The following ZNF347 variants were observed in gnomAD, a reference collection of about 807,000 sequenced individuals.
The protein encoded by ZNF347 is zinc finger protein 347.
A neutral mutation model predicts 12.9 loss-of-function variants in ZNF347; 19 were observed. That is an observed-to-expected ratio of 1.47 (90% confidence interval 1.03 to 2.16). ZNF347 has a LOEUF of 2.16. Ranked by LOEUF, ZNF347 falls within the 30% of genes most tolerant of loss-of-function variation. The pLI is 0.00. For synonymous variants in ZNF347, 328 were observed against 340.6 expected, an observed-to-expected ratio of 0.96 and a Z score of 0.41; for missense variants, 1,005 against 990.6, an observed-to-expected ratio of 1.01 and a Z score of -0.19.
At chr19:53,153,949 G>A in intron 1 of ZNF347, 156 bp from the exon 2 acceptor site, 1 of 597,364 alleles carries the variant, frequency 1.7e-6, no homozygotes, top group Non-Finnish European at 3.0e-6. Flanking sequence ...GCTGCCCACT[G>A]CACCAGGGCA....
rs1235114065 is a variant in ZNF347 at position 53,141,603 on chromosome 19, C to T, written c.1225G>A (p.Val409Ile). Residue 409 changes from valine to isoleucine, a missense_variant, in exon 5 of 5, where the codon GTC becomes ATC. Transcript: ENST00000334197. ...KPYKCNECGKVFTQNSHLTNH... is the reference protein window; with the variant it reads ...KPYKCNECGKIFTQNSHLTNH... ...GTAAGGTGTGAATTTTGAGTGAAGA[C>T]CTTGCCACATTCATTACATTTGTAA... The T allele has an allele frequency of 5.0e-6, 8 of 1,614,022 alleles. No individual in the cohort carries two copies. The highest frequency in any genetic ancestry group is 1.7e-5 in the Admixed American group (1 of 60,006).
rs1001145442 is a variant in ZNF347 at position 53,142,199 on chromosome 19, A to C, written c.629T>G (p.Val210Gly). The change falls in exon 5 of 5, where the codon GTT (valine) becomes GGT (glycine). Residue 210 changes from valine (V) to glycine (G), a missense_variant. By Grantham distance (109) the Val-to-Gly change is moderately radical. Transcript: ENST00000334197. ...GGAATTATTGTTGAAAGACTTCTCA[A>C]CCTGATTACATTCATAAATTTTCCC... ...YEGKIYECNQ[V>G]EKSFNNNSSV... The C allele has an allele frequency of 6.2e-7, 1 of 1,613,946 alleles. No individual in the cohort carries two copies. The highest frequency in any genetic ancestry group is 8.5e-7 in the Non-Finnish European group (1 of 1,179,968).
intron 1 of ZNF347, among the ~76,000 whole-genome samples, chr19:53,157,358 T>C (rs536484769): frequency 3.3e-4 from 51 of 152,284 alleles, no homozygotes; most frequent in African/African-American, 6.0e-4. Flanking sequence ...CTCTCTTGCT[T>C]CCATACTGTG....
At chr19:53,145,141 A>G (rs916822215) in intron 4 of ZNF347, among the ~76,000 whole-genome samples, 9 of 151,748 alleles carry the variant, frequency 5.9e-5, no homozygotes, top group African/African-American at 2.2e-4. Context: ...AAACACAAAA[A>G]TTAGCCAGGC....
intron 4 of ZNF347, among the ~76,000 whole-genome samples, chr19:53,142,951 GTAAC>G (rs943631742): frequency 1.3e-5 from 2 of 152,186 alleles, no homozygotes; most frequent in African/African-American, 4.8e-5. Context: ...ATGACACGAT[GTAAC>G]TGTTACACTA....
rs1181933736 is a variant in ZNF347 at position 53,141,934 on chromosome 19, A to G, written c.894T>C (p.Phe298=). Residue 298 remains phenylalanine, a synonymous_variant, in exon 5 of 5, where the codon TTT becomes TTC. Coordinates refer to ENST00000334197, the MANE Select transcript of ZNF347 (RefSeq NM_032584.3). ...GGGTAGTTAGGTTTGAACGTGTTCT[A>G]AAGGCTTTGCCACACTCATAACATT... ...PYKCYECGKA[F]RTRSNLTTHQ... is the part of the protein sequence containing the mutation. The G allele has an allele frequency of 6.2e-7, 1 of 1,613,934 alleles. No individual in the cohort carries two copies.
In ZNF347 at chr19:53,149,174, G is replaced by C. The variant is rs1257455486; in HGVS notation, c.142+67C>G. On this transcript the variant is annotated intron_variant, in intron 3 of 4. Transcript: ENST00000334197. ...CCAAGCAATGCATGAGCTCCCAGGAGAGCCACATGGAAAATGAAAAGATAC... is the reference window on the plus strand; with the variant it reads ...CCAAGCAATGCATGAGCTCCCAGGACAGCCACATGGAAAATGAAAAGATAC... The C allele has an allele frequency of 3.1e-6, 5 of 1,592,244 alleles. No individual in the cohort carries two copies. The Admixed American group carries it at 9.5e-5, about 30-fold the overall frequency.
Position 53,140,937 on chromosome 19 carries a change from C to T in ZNF347, c.1891G>A (p.Gly631Ser), listed in dbSNP as rs2090419730. The T allele has an allele frequency of 6.2e-7, 1 of 1,613,554 alleles. No individual in the cohort carries two copies. The highest frequency in any genetic ancestry group is 8.5e-7 in the Non-Finnish European group (1 of 1,179,922). Residue 631 changes from glycine to serine, a missense_variant, in exon 5 of 5, where the codon GGC (glycine) becomes AGC (serine). Transcript: ENST00000334197. ...GEKPYKYNEY[G>S]KAFSEHSNLT... ...TTTGAATGTTCACTAAAGGCTTTGCCATACTCATTATACTTGTAAGGTTTC... is the reference window on the plus strand; with the variant it reads ...TTTGAATGTTCACTAAAGGCTTTGCTATACTCATTATACTTGTAAGGTTTC...
chr19:53,135,676 T>G lies in ZNF347; in HGVS notation c.*4632A>C, dbSNP rs1191213618. On this transcript the variant is annotated 3_prime_UTR_variant, in exon 5 of 5. Coordinates refer to ENST00000334197, the MANE Select transcript of ZNF347 (RefSeq NM_032584.3). ...GCATGAGCCACTGTGCCCAGCCTAATTTGATTATTTTGCTTATCTGTCCTA... is the reference window on the plus strand; with the variant it reads ...GCATGAGCCACTGTGCCCAGCCTAAGTTGATTATTTTGCTTATCTGTCCTA... The G allele has an allele frequency of 6.6e-6, 1 of 152,126 alleles. No homozygotes were observed. Among genetic ancestry groups the G allele is most frequent in the African/African-American group, 2.4e-5 (1 of 41,426 alleles). 9.4% of individuals were successfully genotyped at this position (152,126 alleles called of 1,614,324 possible).
At chr19:53,145,831 T>C (rs2090459348) in intron 4 of ZNF347, among the ~76,000 whole-genome samples, 1 of 151,552 alleles carries the variant, frequency 6.6e-6, no homozygotes, top group African/African-American at 2.4e-5. Flanking sequence ...CACCTAATGA[T>C]ACAACTCAAG....
chr19:53,145,823 C>T (rs753730866), intron 4 of ZNF347, among the ~76,000 whole-genome samples: 11 of 151,694 alleles, frequency 7.3e-5, no homozygotes, highest in Non-Finnish European at 1.6e-4. Context: ...AAATAAAACA[C>T]CTAATGATAC....
In ZNF347 at chr19:53,141,473, G is replaced by C. The variant is rs760615372; in HGVS notation, c.1355C>G (p.Thr452Ser). 3 of 1,613,768 alleles carry C rather than the reference G, an allele frequency of 1.9e-6. No homozygotes were observed. The highest frequency in any genetic ancestry group is 2.2e-5 in the South Asian group (2 of 91,080). Residue 452 changes from threonine to serine, a missense_variant, in exon 5 of 5, where the codon ACC becomes AGC. By Grantham distance (58) the Thr-to-Ser change is moderately conservative. Transcript: ENST00000334197. Reference protein sequence around the residue: ...SSLAIHLVIHTGEKPYKCHEC... With the variant: ...SSLAIHLVIHSGEKPYKCHEC... Reference sequence around the variant, plus strand: ...ATGACATTTGTAAGGCTTTTCTCCGGTGTGAATTACCAGATGAATAGCTAG... The same window carrying C: ...ATGACATTTGTAAGGCTTTTCTCCGCTGTGAATTACCAGATGAATAGCTAG...
chr19:53,141,692 CCA>C lies in ZNF347; in HGVS notation c.1134_1135del (p.Cys378TrpfsTer5). Reference sequence around the variant, plus strand: ...GCTTGAACGAGCTCTAAAGGCTTTCCCACACTCATTACACTTGTAAGGTTTCT... The same window carrying C: ...GCTTGAACGAGCTCTAAAGGCTTTCCCACTCATTACACTTGTAAGGTTTCT... On this transcript the variant is annotated frameshift_variant, in exon 5 of 5. Coordinates refer to ENST00000334197, the MANE Select transcript of ZNF347 (RefSeq NM_032584.3). LOFTEE classifies it low-confidence loss of function (END_TRUNC). The C allele has an allele frequency of 6.2e-7, 1 of 1,614,002 alleles. No homozygotes were observed. The highest frequency in any genetic ancestry group is 1.7e-5 in the Admixed American group (1 of 60,002).
chr19:53,141,375 A>G lies in ZNF347; in HGVS notation c.1453T>C (p.Tyr485His). Residue 485 changes from tyrosine (Y) to histidine (H), a missense_variant, in exon 5 of 5, where the codon TAT becomes CAT. By Grantham distance (83) the Tyr-to-His change is moderately conservative. Transcript: ENST00000334197. ...HQLIHTGEKP[Y>H]KCNECGKAFR... ...GCTTTGCCACACTCATTACACTTAT[A>G]AGGTTTCTCTCCAGTATGAATTAGC... The G allele has an allele frequency of 1.9e-6, 3 of 1,614,034 alleles. No individual in the cohort carries two copies. The highest frequency in any genetic ancestry group is 2.5e-6 in the Non-Finnish European group (3 of 1,180,002).
rs771200207 is a variant in ZNF347 at position 53,140,612 on chromosome 19, C to T, written c.2216G>A (p.Cys739Tyr). The T allele has an allele frequency of 6.2e-6, 10 of 1,613,500 alleles. No individual in the cohort carries two copies. The highest frequency in any genetic ancestry group is 1.7e-4 in the Middle Eastern group (1 of 6,056). ...AIHTGKKPYK[C>Y]NECGKVFTQN... ...AGTGAAGACCTTCCCACACTCATTGCATTTGTAAGGTTTTTTTCCAGTATG... is the reference window on the plus strand; with the variant it reads ...AGTGAAGACCTTCCCACACTCATTGTATTTGTAAGGTTTTTTTCCAGTATG... Residue 739 changes from cysteine to tyrosine, a missense_variant, in exon 5 of 5, where the codon TGC becomes TAC. Transcript: ENST00000334197.
rs779292582 is a variant in ZNF347 at position 53,140,619 on chromosome 19, A to G, written c.2209T>C (p.Tyr737His). Residue 737 changes from tyrosine (Y) to histidine (H), a missense_variant, in exon 5 of 5, where the codon TAC becomes CAC. Tyr to His is a moderately conservative substitution (Grantham distance 83). Transcript: ENST00000334197. ...ACCTTCCCACACTCATTGCATTTGT[A>G]AGGTTTTTTTCCAGTATGGATTGCC... ...HQAIHTGKKP[Y>H]KCNECGKVFT... 1.9e-6 allele frequency: 3 copies of G among 1,613,364 alleles called. No individual in the cohort carries two copies. The highest frequency in any genetic ancestry group is 2.5e-6 in the Non-Finnish European group (3 of 1,179,878).
At chr19:53,146,167 G>GTTTC (rs565660252) in intron 4 of ZNF347, among the ~76,000 whole-genome samples, 164 of 152,048 alleles carry the variant, frequency 1.1e-3, no homozygotes, top group African/African-American at 3.7e-3. Flanking sequence ...TAGAGATGGG[G>GTTTC]TTTCTCCATG....
chr19:53,155,329 TG>T (rs2090526000), intron 1 of ZNF347, among the ~76,000 whole-genome samples: 4 of 149,328 alleles, frequency 2.7e-5, no homozygotes, highest in Admixed American at 1.3e-4. Context: ...TGTGTGTGTG[TG>T]TGTGTTTGTT....
At chr19:53,153,226 AGT>A (rs2090510051) in intron 2 of ZNF347, among the ~76,000 whole-genome samples, 1 of 152,186 alleles carries the variant, frequency 6.6e-6, no homozygotes, top group Non-Finnish European at 1.5e-5. Context: ...TTCCATTCCC[AGT>A]CATTAATAAG....
Sources: allele counts gnomAD v4.1 joint callset (sites outside exome capture counted in the v4.1 genomes callset), GRCh38; gene constraint gnomAD v4.1.1; transcripts MANE v1.5; gene names NCBI Gene and HGNC (gene_info 2026-07-23, HGNC 2026-07-21).